The following CDYL2 variants were observed in gnomAD, a reference collection of about 807,000 sequenced individuals.
The protein encoded by CDYL2 is chromodomain Y like 2.
Under a neutral mutation model 49.4 loss-of-function variants are expected in CDYL2, and 23 were observed. That is an observed-to-expected ratio of 0.47 (90% CI 0.34 to 0.66). The LOEUF is 0.66. CDYL2 is among the 30% of genes least tolerant of loss of function. The probability of loss-of-function intolerance (pLI) is 0.01; values close to 1 mark genes in which losing one functional copy is unlikely to be tolerated. For missense variants in CDYL2, 678 were observed against 656.4 expected (o/e 1.03, Z -0.36); for synonymous variants, 360 against 268.8 (o/e 1.34, Z -3.32).
At chr16:80,661,520 G>C (rs1279650624) in intron 2 of CDYL2, among the ~76,000 whole-genome samples, 2 of 152,152 alleles carry the variant, frequency 1.3e-5, no homozygotes, top group East Asian at 1.9e-4. Flanking sequence ...TTAAGGATGA[G>C]AAAACCAAAA....
intron 5 of CDYL2, among the ~76,000 whole-genome samples, chr16:80,609,490 G>A (rs544625868): frequency 2.0e-5 from 3 of 152,262 alleles, no homozygotes; most frequent in Admixed American, 6.5e-5. Context: ...CTTTTATGTC[G>A]ATAATAAGTC....
chr16:80,795,823 A>T (rs777181129), intron 1 of CDYL2, among the ~76,000 whole-genome samples: 4 of 152,212 alleles, frequency 2.6e-5, no homozygotes, highest in Non-Finnish European at 5.9e-5. Flanking sequence ...CTCATTACAC[A>T]TGCATACATG....
chr16:80,763,656 T>C (rs1046304737), intron 1 of CDYL2, among the ~76,000 whole-genome samples: 1 of 151,708 alleles, frequency 6.6e-6, no homozygotes, highest in African/African-American at 2.4e-5. Context: ...TCAGAAAGGG[T>C]AAAACAAAGA....
chr16:80,629,690 T>C (rs1034960073), intron 3 of CDYL2, among the ~76,000 whole-genome samples: 4 of 152,244 alleles, frequency 2.6e-5, no homozygotes, highest in African/African-American at 7.2e-5. Context: ...AGAATCTACT[T>C]AATGCACACA....
chr16:80,686,486 G>A (rs944922528), intron 1 of CDYL2, among the ~76,000 whole-genome samples: 4 of 152,042 alleles, frequency 2.6e-5, no homozygotes, highest in Admixed American at 2.0e-4. Context: ...AAATTAAGTC[G>A]AGTCAGGAAT....
intron 1 of CDYL2, among the ~76,000 whole-genome samples, chr16:80,753,407 G>A (rs1330062402): frequency 3.9e-5 from 6 of 152,060 alleles, no homozygotes; most frequent in African/African-American, 1.2e-4. Flanking sequence ...TCGGGAGTTC[G>A]AGACCAGCCT....
intron 2 of CDYL2, among the ~76,000 whole-genome samples, chr16:80,671,194 C>G (rs577396898): frequency 2.2e-4 from 34 of 152,212 alleles, no homozygotes; most frequent in Non-Finnish European, 3.7e-4. Flanking sequence ...GTAGAGGTGT[C>G]TGGGGCAGCC....
At chr16:80,611,051 G>C (rs555398891) in intron 5 of CDYL2, among the ~76,000 whole-genome samples, 82 of 152,232 alleles carry the variant, frequency 5.4e-4, no homozygotes, top group African/African-American at 2.0e-3. Flanking sequence ...CCCAGGGCCT[G>C]CCAGGCCCAC....
chr16:80,731,345 G>T (rs1905319596), intron 1 of CDYL2, among the ~76,000 whole-genome samples: 1 of 151,982 alleles, frequency 6.6e-6, no homozygotes, highest in Admixed American at 6.6e-5. Flanking sequence ...GAGAGGAAAT[G>T]CAAGAAATTT....
At position 80,691,034 on chromosome 16, in the gene CDYL2, T is replaced by A. The variant is rs565601427; in HGVS notation, c.25-5905A>T. On this transcript the variant is annotated intron_variant, in intron 1 of 6. Transcript: ENST00000570137. ...GTGGGTTTACTAGTACATGTCTTGG[T>A]CTCTGGGAGCAAAAAGCAAGGCCAA... 1.6e-4 allele frequency among the ~76,000 whole-genome samples: 25 copies of A among 151,882 alleles called. No homozygotes were observed. In the East Asian group the frequency reaches 4.8e-3, roughly 29 times the overall value.
At chr16:80,795,530 C>A (rs1390767583) in intron 1 of CDYL2, among the ~76,000 whole-genome samples, 1 of 152,152 alleles carries the variant, frequency 6.6e-6, no homozygotes, top group Non-Finnish European at 1.5e-5. Context: ...CTAAGGCTAA[C>A]TGCACAACAC....
intron 2 of CDYL2, among the ~76,000 whole-genome samples, chr16:80,655,779 A>C (rs1036153597): frequency 1.3e-5 from 2 of 152,140 alleles, no homozygotes; most frequent in Non-Finnish European, 2.9e-5. Flanking sequence ...GGTGGCTGAA[A>C]CGGGCCTTCT....
chr16:80,618,930 C>A (rs757387719), intron 4 of CDYL2, among the ~76,000 whole-genome samples: 4 of 152,210 alleles, frequency 2.6e-5, no homozygotes, highest in Non-Finnish European at 4.4e-5. Context: ...GAACAGTCAC[C>A]ACAAACTTGG....
At chr16:80,746,706 G>A (rs908721058) in intron 1 of CDYL2, among the ~76,000 whole-genome samples, 1 of 152,108 alleles carries the variant, frequency 6.6e-6, no homozygotes, top group East Asian at 1.9e-4. Flanking sequence ...CAGGTGTGAG[G>A]GTGTGGGGCA....
rs140729164 is a variant in CDYL2 at position 80,684,692 on chromosome 16, G to A, written c.462C>T (p.Asn154=). The part of the protein sequence containing the change: ...LQIMPLKKSQ[N]GMENGDAGSE... ...AGCCGGCGTCCCCATTTTCCATCCC[G>A]TTCTGAGACTTTTTCAGGGGCATTA... The change falls in exon 2 of 7, where the codon AAC becomes AAT. Residue 154 remains asparagine (N), a synonymous_variant. Transcript: ENST00000570137. 1.9e-5 allele frequency: 31 copies of A among 1,613,952 alleles called. No homozygotes were observed. Among genetic ancestry groups the A allele is most frequent in the East Asian group, 4.5e-5 (2 of 44,888 alleles).
chr16:80,788,478 AG>A (rs1158239472), intron 1 of CDYL2, among the ~76,000 whole-genome samples: 3 of 152,226 alleles, frequency 2.0e-5, no homozygotes, highest in African/African-American at 7.2e-5. Flanking sequence ...ATGGAAAACC[AG>A]GAAGATTTTC....
At chr16:80,641,795 C>A (rs970115061) in intron 2 of CDYL2, among the ~76,000 whole-genome samples, 1 of 150,558 alleles carries the variant, frequency 6.6e-6, no homozygotes, top group Non-Finnish European at 1.5e-5. Flanking sequence ...ATACCTAACG[C>A]TAAATGACGA....
intron 2 of CDYL2, among the ~76,000 whole-genome samples, chr16:80,682,896 G>C (rs774072073): frequency 6.6e-6 from 1 of 152,174 alleles, no homozygotes. Flanking sequence ...TCAGCGTCAG[G>C]GATCCCGAGA....
At position 80,716,714 on chromosome 16, in the gene CDYL2, T is replaced by C. The variant is rs140080980; in HGVS notation, c.25-31585A>G. Among the ~76,000 whole-genome samples the C allele has an allele frequency of 1.3e-4, 20 of 149,674 alleles. No homozygotes were observed. The East Asian group carries it at 2.4e-3, about 18-fold the overall frequency. On this transcript the variant is annotated intron_variant, in intron 1 of 6. Coordinates refer to ENST00000570137, the MANE Select transcript of CDYL2 (RefSeq NM_152342.4). ...GGGTAATTGAATGAATGGATAGATA[T>C]AGTGATGGATGGATAATGGATGGAT...
Sources: allele counts gnomAD v4.1 joint callset (sites outside exome capture counted in the v4.1 genomes callset), GRCh38; gene constraint gnomAD v4.1.1; transcripts MANE v1.5; gene names NCBI Gene and HGNC (gene_info 2026-07-23, HGNC 2026-07-21).